Variants in PADI1 observed in about 807,000 individuals in gnomAD.
The protein encoded by PADI1 is peptidyl arginine deiminase 1, also known as protein-arginine deiminase type-1.
Under a neutral mutation model 74.8 loss-of-function variants are expected in PADI1, and 65 were observed. The ratio of observed to expected loss-of-function variants is 0.87; its 90% CI spans 0.71 to 1.07. PADI1 has a LOEUF of 1.07. Among genes scored for constraint, PADI1 ranks in the 50% least tolerant of loss-of-function variants. The pLI is 0.00. For synonymous variants in PADI1, 371 were observed against 336.2 expected (o/e 1.10, Z -1.13); for missense variants, 943 against 854.0 (o/e 1.10, Z -1.30).
intron 3 of PADI1, 104 bp from the exon 4 acceptor site, chr1:17,224,263 C>A (rs1050200847): frequency 2.2e-6 from 2 of 920,178 alleles, no homozygotes; most frequent in African/African-American, 1.6e-5. Context: ...GGCTTCCAGT[C>A]CTCACGGGCT....
At chr1:17,242,574 C>T (rs2072799908) in intron 15 of PADI1, among the ~76,000 whole-genome samples, 1 of 152,206 alleles carries the variant, frequency 6.6e-6, no homozygotes. Flanking sequence ...AAGCCCCTGA[C>T]TGTGGGTCAT....
intron 1 of PADI1, among the ~76,000 whole-genome samples, chr1:17,220,096 G>A (rs2072095010): frequency 6.6e-6 from 1 of 152,040 alleles, no homozygotes; most frequent in South Asian, 2.1e-4. Flanking sequence ...CAAAAGTGCT[G>A]TGGAATGTGG....
At position 17,240,769 on chromosome 1, in the gene PADI1, C is replaced by A. The variant is rs1300814373; in HGVS notation, c.1758+9C>A. ...CCTTCTTCCCAGACATGGTGAGAGC[C>A]CTTGTGCAGGGTCCTGCTGGGGGGT... On this transcript the variant is annotated intron_variant, in intron 15 of 15. Coordinates refer to ENST00000375471, the MANE Select transcript of PADI1 (RefSeq NM_013358.3). 1 of 1,613,140 alleles carries A rather than the reference C, an allele frequency of 6.2e-7. No homozygotes were observed. Among genetic ancestry groups the A allele is most frequent in the South Asian group, 1.1e-5 (1 of 90,948 alleles).
At chr1:17,216,159 C>T (rs751155153) in intron 1 of PADI1, among the ~76,000 whole-genome samples, 2 of 152,032 alleles carry the variant, frequency 1.3e-5, no homozygotes, top group South Asian at 4.1e-4. Context: ...GTCAGGAAAG[C>T]CTGGGAGGCC....
chr1:17,236,060 G>A (rs769176805), intron 11 of PADI1, among the ~76,000 whole-genome samples: 1 of 152,122 alleles, frequency 6.6e-6, no homozygotes, highest in South Asian at 2.1e-4. Flanking sequence ...TAGCAGTACG[G>A]TCAGAACCCA....
rs1314247610 is a variant in PADI1 at position 17,205,184 on chromosome 1, G to A, written c.-34G>A. 6.3e-7 allele frequency: 1 copy of A among 1,586,468 alleles called. No homozygotes were observed. The highest frequency in any genetic ancestry group is 8.7e-7 in the Non-Finnish European group (1 of 1,155,624). On this transcript the variant is annotated 5_prime_UTR_variant, in exon 1 of 16. Transcript: ENST00000375471. ...CCCAGGACGGGAGCTGGGGAGCCAG[G>A]GCTGATCTAGGAGGCTGGGAGCCAG...
intron 1 of PADI1, among the ~76,000 whole-genome samples, chr1:17,208,143 G>A (rs971332096): frequency 6.6e-6 from 1 of 152,208 alleles, no homozygotes; most frequent in Non-Finnish European, 1.5e-5. Context: ...TGGGAGGGGG[G>A]AAGCCCCCAG....
chr1:17,222,328 G>C lies in PADI1; in HGVS notation c.131G>C (p.Gly44Ala). Reference protein sequence around the residue: ...PKGANSFRVSGSSGVEVFMVY... With the variant: ...PKGANSFRVSASSGVEVFMVY... ...GGTGCCAACAGCTTCAGGGTCTCTGGAAGCTCCGGGGTGGAGGTCTTCATG... is the reference window on the plus strand; with the variant it reads ...GGTGCCAACAGCTTCAGGGTCTCTGCAAGCTCCGGGGTGGAGGTCTTCATG... Residue 44 changes from glycine (G) to alanine (A), a missense_variant, in exon 2 of 16, where the codon GGA becomes GCA. Coordinates refer to ENST00000375471, the MANE Select transcript of PADI1 (RefSeq NM_013358.3). The C allele has an allele frequency of 3.1e-6, 5 of 1,614,108 alleles. No individual in the cohort carries two copies. The highest frequency in any genetic ancestry group is 4.2e-6 in the Non-Finnish European group (5 of 1,179,976).
intron 12 of PADI1, 150 bp from the exon 13 acceptor site, chr1:17,238,466 G>GA (rs2072701026): frequency 7.2e-6 from 3 of 415,266 alleles, no homozygotes; most frequent in Non-Finnish European, 1.3e-5. Flanking sequence ...GACTGGGAGA[G>GA]TTGCAGACAG....
At position 17,225,941 on chromosome 1, in the gene PADI1, A is replaced by C. The variant is rs200170680; in HGVS notation, c.526+13A>C. On this transcript the variant is annotated intron_variant, in intron 5 of 15. Transcript: ENST00000375471. Reference sequence around the variant, plus strand: ...ATGTCGCTGGCTGGTGAGTGACACAAGGTGTTGTCTGGGGAGTGGGGAAGG... The same window carrying C: ...ATGTCGCTGGCTGGTGAGTGACACACGGTGTTGTCTGGGGAGTGGGGAAGG... The C allele has an allele frequency of 6.2e-6, 10 of 1,613,334 alleles. No individual in the cohort carries two copies. Among genetic ancestry groups the C allele is most frequent in the Non-Finnish European group, 8.5e-6 (10 of 1,179,432 alleles).
At chr1:17,230,059 T>C in intron 8 of PADI1, 26 bp from the exon 9 acceptor site, 1 of 1,605,650 alleles carries the variant, frequency 6.2e-7, no homozygotes, top group Non-Finnish European at 8.5e-7. Flanking sequence ...GCCATTAGCA[T>C]GCTCCCCTCT....
intron 1 of PADI1, among the ~76,000 whole-genome samples, chr1:17,209,642 T>C (rs1386218032): frequency 6.6e-6 from 1 of 151,968 alleles, no homozygotes; most frequent in Non-Finnish European, 1.5e-5. Flanking sequence ...TCCTGGCATT[T>C]CCTGGATCCT....
chr1:17,209,679 G>A (rs975113129), intron 1 of PADI1, among the ~76,000 whole-genome samples: 1 of 151,990 alleles, frequency 6.6e-6, no homozygotes, highest in African/African-American at 2.4e-5. Context: ...CTCACTCTGA[G>A]CCTTCTTCTC....
At chr1:17,206,020 G>T (rs1483312557) in intron 1 of PADI1, among the ~76,000 whole-genome samples, 2 of 152,322 alleles carry the variant, frequency 1.3e-5, no homozygotes, top group East Asian at 3.9e-4. Flanking sequence ...TCCAGATGGG[G>T]ACTCGGGGAC....
rs16824215 is a variant in PADI1, at chr1:17,244,196, G to C, written c.1945G>C (p.Val649Leu). 1 of 1,614,108 alleles carries C rather than the reference G, an allele frequency of 6.2e-7. No individual in the cohort carries two copies. The highest frequency in any genetic ancestry group is 8.5e-7 in the Non-Finnish European group (1 of 1,180,006). The change falls in exon 16 of 16, where the codon GTG becomes CTG. Residue 649 changes from valine (V) to leucine (L), a missense_variant. Physicochemically the swap from Val to Leu is conservative, Grantham distance 32 (BLOSUM62 1). Transcript: ENST00000375471. ...LQGEIHCGTN[V>L]RRKPFPFKWW... ...GGGGGAGATCCACTGTGGCACCAAC[G>C]TGCGCAGGAAGCCCTTTCCCTTCAA...
chr1:17,206,416 A>G (rs1413579841), intron 1 of PADI1, among the ~76,000 whole-genome samples: 1 of 152,082 alleles, frequency 6.6e-6, no homozygotes, highest in Non-Finnish European at 1.5e-5. Flanking sequence ...ACCAGGAGCC[A>G]TGGAAACCAA....
intron 11 of PADI1, 103 bp downstream of exon 11, chr1:17,233,073 A>T: frequency 9.2e-7 from 1 of 1,087,088 alleles, no homozygotes; most frequent in Non-Finnish European, 1.3e-6. Flanking sequence ...CTGAGAAGTG[A>T]TCTTAACTTC....
intron 11 of PADI1, 116 bp downstream of exon 11, chr1:17,233,086 G>A (rs2072542194): frequency 6.1e-6 from 6 of 991,398 alleles, no homozygotes; most frequent in Non-Finnish European, 8.5e-6. Context: ...TTAACTTCCT[G>A]CGTGGAATCC....
At position 17,232,889 on chromosome 1, in the gene PADI1, A is replaced by G. The variant is rs914679275; in HGVS notation, c.1232A>G (p.Asn411Ser). 2.5e-6 allele frequency: 4 copies of G among 1,612,824 alleles called. No individual in the cohort carries two copies. Among genetic ancestry groups the G allele is most frequent in the Non-Finnish European group, 3.4e-6 (4 of 1,179,794 alleles). ...PGPSSLDSFG[N>S]LDVSPPVTVG... ...CCCTCCAGCCTTGACTCCTTCGGCA[A>G]CCTGGACGTCAGCCCGCCCGTCACG... The change falls in exon 11 of 16, where the codon AAC becomes AGC. Residue 411 changes from asparagine (N) to serine (S), a missense_variant. Transcript: ENST00000375471.
Sources: gnomAD v4.1 joint callset for allele counts (sites outside exome capture counted in the v4.1 genomes callset) on GRCh38, gnomAD v4.1.1 for gene constraint, MANE v1.5 for transcripts, NCBI Gene and HGNC (gene_info 2026-07-23, HGNC 2026-07-21) for gene names.